The following PASK variants were observed in gnomAD, a reference collection of about 807,000 sequenced individuals.
PASK encodes the protein PAS domain-containing serine/threonine-protein kinase.
Under a neutral mutation model 121.0 loss-of-function variants are expected in PASK, and 110 were observed. The observed-to-expected ratio is 0.91, with a 90% CI of 0.78 to 1.06. PASK has a LOEUF of 1.06. Ranked by LOEUF, PASK falls within the 50% of genes least tolerant of loss-of-function variation. PASK has a pLI of 0.00. For missense variants in PASK, 1,643 were observed against 1,702.3 expected, an observed-to-expected ratio of 0.97 and a Z score of 0.61; for synonymous variants, 686 against 717.8, an observed-to-expected ratio of 0.96 and a Z score of 0.71.
chr2:241,119,345 C>T (rs375486382), intron 12 of PASK, among the ~76,000 whole-genome samples: 3 of 152,192 alleles, frequency 2.0e-5, no homozygotes, highest in Non-Finnish European at 2.9e-5. Flanking sequence ...ACCCCTGGGA[C>T]GTTGGCCTTG....
At chr2:241,138,164 C>G in intron 5 of PASK, 77 bp from the exon 6 acceptor site, 2 of 1,517,518 alleles carry the variant, frequency 1.3e-6, no homozygotes, top group Admixed American at 3.7e-5. Context: ...TCAATATGTT[C>G]AAGCCAAAAG....
intron 12 of PASK, among the ~76,000 whole-genome samples, chr2:241,116,381 G>T (rs1188317674): frequency 1.3e-5 from 2 of 152,260 alleles, no homozygotes; most frequent in African/African-American, 2.4e-5. Context: ...ACAGATGGGT[G>T]AGATGGAGAA....
rs569998006 is a variant in PASK at position 241,126,895 on chromosome 2, C to G, written c.2020G>C (p.Ala674Pro). Residue 674 changes from alanine (A) to proline (P), a missense_variant, in exon 10 of 18, where the codon GCC (alanine) becomes CCC (proline). By Grantham distance (27) the Ala-to-Pro change is conservative. This residue lies in a region of PASK where 1,176 missense variants were observed against 1,162.2 expected (regional missense o/e 1.01). Coordinates refer to ENST00000234040, the MANE Select transcript of PASK (RefSeq NM_015148.4). ...AGTTCGGCGTGGGGGACATCCAGGG[C>G]TCCTGCAAGGCTCAACTGGGACAGC... is the stretch of plus-strand genomic sequence containing the variant. The part of the protein sequence containing the change: ...EQLSQLSLAG[A>P]LDVPHAELVP... 1 of 1,613,606 alleles carries G rather than the reference C, an allele frequency of 6.2e-7. No homozygotes were observed. The highest frequency in any genetic ancestry group is 1.3e-5 in the African/African-American group (1 of 74,930).
In PASK at chr2:241,112,227, G is replaced by A. The variant is rs1249045056; in HGVS notation, c.3533+13C>T. 4 of 1,605,406 alleles carry A rather than the reference G, an allele frequency of 2.5e-6. No homozygotes were observed. Among genetic ancestry groups the A allele is most frequent in the Non-Finnish European group, 3.4e-6 (4 of 1,172,166 alleles). Reference sequence around the variant, plus strand: ...GGACACGAGGACGGGCCGCACCGCAGCCGCATACGTACGGATTCCCCATGA... The same window carrying A: ...GGACACGAGGACGGGCCGCACCGCAACCGCATACGTACGGATTCCCCATGA... On this transcript the variant is annotated intron_variant, in intron 15 of 17. Transcript: ENST00000234040. The surrounding 1 kb of genome is among the most constrained non-coding windows in gnomAD (Gnocchi z 5.2).
chr2:241,111,247 T>C (rs2065099888), intron 15 of PASK, among the ~76,000 whole-genome samples: 1 of 152,172 alleles, frequency 6.6e-6, no homozygotes, highest in African/African-American at 2.4e-5. Context: ...AGGGACCCCG[T>C]GTGCCTCTCC....
chr2:241,149,735 G>A (rs929962583), upstream of PASK: 23 of 1,546,196 alleles, frequency 1.5e-5, no homozygotes, highest in Non-Finnish European at 1.9e-5. Context: ...TCGCCTCTTG[G>A]AGGCCTCTTT....
rs1451279249 is a variant in PASK at position 241,108,500 on chromosome 2, A to C, written c.3534-200T>G. On this transcript the variant is annotated intron_variant, in intron 15 of 17. Transcript: ENST00000234040. This position sits in a 1 kb window ranked among gnomAD's most constrained non-coding sequence, Gnocchi z 5.2. ...CAGGCCAGCCAGCAGGCCATGTGCCAGGAGTGGAGAGGCCATCGGGCAGCT... is the reference window on the plus strand; with the variant it reads ...CAGGCCAGCCAGCAGGCCATGTGCCCGGAGTGGAGAGGCCATCGGGCAGCT... 2 of 638,980 alleles carry C rather than the reference A, an allele frequency of 3.1e-6. No homozygotes were observed. The highest frequency in any genetic ancestry group is 1.8e-5 in the African/African-American group (1 of 55,692). 39.6% of individuals were successfully genotyped at this position (638,980 alleles called of 1,614,324 possible). A position where few individuals can be genotyped will look rare whatever the true frequency, so the allele number is the denominator to read the frequency against.
At chr2:241,133,357 G>A (rs973870411) in intron 8 of PASK, 9 of 403,118 alleles carry the variant, frequency 2.2e-5, no homozygotes, top group Admixed American at 2.2e-4. Flanking sequence ...CCCCAACTCT[G>A]TGGCCTCACT....
In PASK at chr2:241,114,552, G is replaced by A. The variant is rs944443648; in HGVS notation, c.3333+491C>T. The A allele has an allele frequency of 2.5e-5, 25 of 1,006,340 alleles. No individual in the cohort carries two copies. In the South Asian group the frequency reaches 3.8e-4, roughly 15 times the overall value. The allele number at this position is 1,006,340 out of a possible 1,614,324, so 62.3% of individuals were successfully genotyped here. A position where few individuals can be genotyped will look rare whatever the true frequency, so the allele number is the denominator to read the frequency against. ...CTCCCATTCCAATAAAATAATGGCC[G>A]AAGTTCAATATGTAATTAGACACGA... On this transcript the variant is annotated intron_variant, in intron 14 of 17. Coordinates refer to ENST00000234040, the MANE Select transcript of PASK (RefSeq NM_015148.4).
intron 12 of PASK, among the ~76,000 whole-genome samples, chr2:241,119,651 T>C (rs111775803): frequency 6.6e-6 from 1 of 152,076 alleles, no homozygotes; most frequent in African/African-American, 2.4e-5. Context: ...TTTGTATTTT[T>C]AGTAGAGACA....
chr2:241,135,783 C>T, intron 8 of PASK, 88 bp downstream of exon 8: 1 of 1,300,676 alleles, frequency 7.7e-7, no homozygotes, highest in Middle Eastern at 2.3e-4. Flanking sequence ...GACAATAGCT[C>T]CTGCTCCTCC....
rs773323231 is a variant in PASK at position 241,126,156 on chromosome 2, T to C, written c.2719+40A>G. 1.5e-5 allele frequency: 24 copies of C among 1,588,538 alleles called. No individual in the cohort carries two copies. The Middle Eastern group carries it at 5.1e-4, about 34-fold the overall frequency. ...CCTGCACCCCCACTGCACTGTGCTC[T>C]GGGAGCACCACACTTCTTCCTATGG... On this transcript the variant is annotated intron_variant, in intron 10 of 17. Coordinates refer to ENST00000234040, the MANE Select transcript of PASK (RefSeq NM_015148.4).
rs1165401370 is a variant in PASK at position 241,122,099 on chromosome 2, TACAC to T, written c.3072+629_3072+632del. 2.6e-5 allele frequency among the ~76,000 whole-genome samples: 4 copies of T among 152,204 alleles called. No individual in the cohort carries two copies. The South Asian group carries it at 8.3e-4, about 31-fold the overall frequency. On this transcript the variant is annotated intron_variant, in intron 12 of 17. Transcript: ENST00000234040. ...AAGCACAACATATGAAAATATGTGATACACAGATAAAGCTGGGGTTGGAGAAAAA... is the reference window on the plus strand; with the variant it reads ...AAGCACAACATATGAAAATATGTGATAGATAAAGCTGGGGTTGGAGAAAAA...
At chr2:241,107,300 C>A (rs1237782185) in intron 17 of PASK, 53 bp downstream of exon 17, 31 of 1,552,050 alleles carry the variant, frequency 2.0e-5, no homozygotes, top group South Asian at 5.6e-5. Flanking sequence ...GCCTGGGGAC[C>A]TCGTTATTCC....
Position 241,106,447 on chromosome 2 carries a change from CAT to C in PASK, c.*117_*118del, listed in dbSNP as rs1186875775. 1.1e-5 allele frequency: 11 copies of C among 990,140 alleles called. No individual in the cohort carries two copies. The highest frequency in any genetic ancestry group is 2.5e-4 in the Middle Eastern group (1 of 4,066). 61.3% of individuals were successfully genotyped at this position (990,140 alleles called of 1,614,324 possible). ...TGTTCTGGTGTTTATCAAACCTGCA[CAT>C]GAGTTTTTAGAAGGTGAATTGGGGA... On this transcript the variant is annotated 3_prime_UTR_variant, in exon 18 of 18. Coordinates refer to ENST00000234040, the MANE Select transcript of PASK (RefSeq NM_015148.4).
intron 6 of PASK, among the ~76,000 whole-genome samples, chr2:241,137,476 G>A (rs1243113296): frequency 6.6e-6 from 1 of 152,132 alleles, no homozygotes; most frequent in Non-Finnish European, 1.5e-5. Context: ...AGTGTCCAGA[G>A]CCGCCCCAGG....
At position 241,147,744 on chromosome 2, in the gene PASK, G is replaced by A. The variant is rs1166614542; in HGVS notation, c.-43+1670C>T. ...GGGAAAAAAAGCAAAGGGAGGGTAA[G>A]GGCATGCAATTTTTTGTCCTTCATG... On this transcript the variant is annotated intron_variant, in intron 1 of 17. Transcript: ENST00000234040. Among the ~76,000 whole-genome samples, 3 of 139,640 alleles carry A rather than the reference G, an allele frequency of 2.1e-5. No homozygotes were observed. The East Asian group carries it at 5.8e-4, about 27-fold the overall frequency. 91.6% of individuals were successfully genotyped at this position (139,640 alleles called of 152,430 possible).
chr2:241,125,208 G>A (rs1037596450), intron 10 of PASK, among the ~76,000 whole-genome samples: 5 of 152,154 alleles, frequency 3.3e-5, no homozygotes, highest in African/African-American at 1.2e-4. Context: ...GGCTGGGGCA[G>A]GAGAATCATT....
intron 17 of PASK, 102 bp downstream of exon 17, chr2:241,107,251 G>GA: frequency 2.0e-6 from 2 of 1,008,514 alleles, no homozygotes; most frequent in Non-Finnish European, 1.6e-6. Flanking sequence ...CAGCATGGGG[G>GA]AGAGAGCCTC....
Sources: allele counts gnomAD v4.1 joint callset (sites outside exome capture counted in the v4.1 genomes callset), GRCh38; gene constraint gnomAD v4.1.1; regional missense constraint gnomAD v4.1.1; non-coding constraint Gnocchi (gnomAD v3.1); transcripts MANE v1.5; gene names NCBI Gene and HGNC (gene_info 2026-07-23, HGNC 2026-07-21).